Variants in GLIS3 observed in about 807,000 individuals in gnomAD.
GLIS3 encodes GLIS family zinc finger 3.
A neutral mutation model predicts 78.6 loss-of-function variants in GLIS3; 53 were observed. The observed-to-expected ratio is 0.67, with a 90% CI of 0.54 to 0.85. The LOEUF is 0.85. Among genes scored for constraint, GLIS3 ranks in the 40% least tolerant of loss-of-function variants. The pLI, the probability that GLIS3 is intolerant of heterozygous loss-of-function variation, is 0.00. For missense variants in GLIS3, 1,703 were observed against 1,231.1 expected (o/e 1.38, Z -5.74); for synonymous variants, 684 against 509.9 (o/e 1.34, Z -4.60).
rs144986258 is a variant in GLIS3 at position 4,149,722 on chromosome 9, TCTCA to T, written c.389-23785_389-23782del. On this transcript the variant is annotated intron_variant, in intron 2 of 10. Coordinates refer to ENST00000381971, the MANE Select transcript of GLIS3 (RefSeq NM_001042413.2). ...TGCATAACATGAAATTCATTTGTTA[TCTCA>T]CTCATTCAGGAGTTAAAAACTGCAT... Among the ~76,000 whole-genome samples the T allele has an allele frequency of 5.3e-3, 807 of 152,288 alleles. 8 individuals are homozygous for T. The highest frequency in any genetic ancestry group is 0.019 in the African/African-American group (781 of 41,556).
At chr9:4,476,657 C>T in the GLIS3 span, among the ~76,000 whole-genome samples, 13 of 152,164 alleles carry the variant, frequency 8.5e-5, no homozygotes, top group African/African-American at 2.2e-4. Flanking sequence ...CCACCATGCC[C>T]GGCCCAGTGG....
chr9:4,460,634 C>G, the GLIS3 span, among the ~76,000 whole-genome samples: 2 of 137,324 alleles, frequency 1.5e-5, no homozygotes, highest in Non-Finnish European at 3.0e-5. Flanking sequence ...GAAGCAGAAG[C>G]CATCCCAAGA....
intron 4 of GLIS3, among the ~76,000 whole-genome samples, chr9:4,085,597 C>T (rs7020154): frequency 0.39 from 59,717 of 151,494 alleles, 12,132 homozygotes; most frequent in Admixed American, 0.45. Flanking sequence ...TTTGTCCCTG[C>T]CCAAATGTCA....
chr9:4,459,357 C>A, the GLIS3 span, among the ~76,000 whole-genome samples: 1 of 152,180 alleles, frequency 6.6e-6, no homozygotes, highest in Non-Finnish European at 1.5e-5. Flanking sequence ...CTGGGGCTAT[C>A]CAATCTTTAG....
rs750701797 is a variant in GLIS3, at chr9:3,829,397, A to T, written c.2569T>A (p.Phe857Ile). The T allele has an allele frequency of 3.7e-6, 6 of 1,614,050 alleles. No individual in the cohort carries two copies. ...GATGTAGGGACTAGGCAGTCCTCAA[A>T]CGAAGGCACCACACTGCAGGAGCTG... ...PVSSCSVVPSFEDCLVPTSMG... is the reference protein window; with the variant it reads ...PVSSCSVVPSIEDCLVPTSMG... The change falls in exon 10 of 11, where the codon TTT becomes ATT. Residue 857 changes from phenylalanine (F) to isoleucine (I), a missense_variant. Physicochemically the swap from Phe to Ile is conservative, Grantham distance 21 (BLOSUM62 0). Transcript: ENST00000381971.
chr9:3,829,167 A>G (rs1048307946), intron 10 of GLIS3, 143 bp downstream of exon 10: 3 of 705,874 alleles, frequency 4.3e-6, no homozygotes, highest in Non-Finnish European at 7.7e-6. Context: ...GAAGGTGGAG[A>G]TGAGAGCCAT....
chr9:4,482,566 G>A, the GLIS3 span, among the ~76,000 whole-genome samples: 2 of 152,136 alleles, frequency 1.3e-5, no homozygotes, highest in Non-Finnish European at 1.5e-5. Flanking sequence ...CACCGCATGA[G>A]GACAAAGCAA....
chr9:3,926,297 C>A (rs1825246525), intron 6 of GLIS3, among the ~76,000 whole-genome samples: 1 of 142,866 alleles, frequency 7.0e-6, no homozygotes, highest in Non-Finnish European at 1.5e-5. Context: ...GTGGTGCAAT[C>A]TCTGCTCACT....
chr9:4,237,494 A>C (rs10814897), intron 2 of GLIS3, among the ~76,000 whole-genome samples: 2 of 152,158 alleles, frequency 1.3e-5, no homozygotes, highest in East Asian at 3.9e-4. Flanking sequence ...CTTCAGGCTC[A>C]GTCTACTGAG....
At chr9:4,046,873 C>G (rs1825294634) in intron 4 of GLIS3, among the ~76,000 whole-genome samples, 1 of 152,050 alleles carries the variant, frequency 6.6e-6, no homozygotes, top group Non-Finnish European at 1.5e-5. Flanking sequence ...CTAGGTATTG[C>G]CAGAGGACAC....
chr9:4,106,245 G>C (rs546237737), intron 4 of GLIS3, among the ~76,000 whole-genome samples: 63 of 152,146 alleles, frequency 4.1e-4, no homozygotes, highest in Non-Finnish European at 8.1e-4. Context: ...TCAGAGAACA[G>C]GTAGAGTTTT....
chr9:3,965,193 C>CTTTTTTTTTTTT (rs34951383), intron 4 of GLIS3, among the ~76,000 whole-genome samples: 5 of 100,156 alleles, frequency 5.0e-5, no homozygotes, highest in South Asian at 3.3e-4. Flanking sequence ...CTTTTCTTTT[C>CTTTTTTTTTTTT]TTTTTTTTTT....
the GLIS3 span, among the ~76,000 whole-genome samples, chr9:4,416,119 G>A: frequency 4.6e-5 from 7 of 151,648 alleles, no homozygotes; most frequent in Non-Finnish European, 8.8e-5. Context: ...AGGTGCAGTG[G>A]CTCATGCCTA....
intron 4 of GLIS3, among the ~76,000 whole-genome samples, chr9:4,048,169 A>C (rs982162150): frequency 5.3e-5 from 8 of 152,228 alleles, no homozygotes; most frequent in African/African-American, 1.9e-4. Context: ...AGTGAGGGGT[A>C]ATGACCTTTT....
chr9:4,144,448 G>A (rs1363792265), intron 2 of GLIS3, among the ~76,000 whole-genome samples: 1 of 152,164 alleles, frequency 6.6e-6, no homozygotes, highest in Non-Finnish European at 1.5e-5. Context: ...TCTCGTTTCT[G>A]TGTCATTTTT....
the GLIS3 span, among the ~76,000 whole-genome samples, chr9:4,408,112 T>A: frequency 6.6e-6 from 1 of 152,038 alleles, no homozygotes; most frequent in Non-Finnish European, 1.5e-5. Context: ...AGTCAGGCAA[T>A]AACAAATGCT....
chr9:4,339,506 C>T (rs1010375126), intron 2 of GLIS3, among the ~76,000 whole-genome samples: 56 of 151,580 alleles, frequency 3.7e-4, no homozygotes, highest in African/African-American at 1.3e-3. Context: ...GAAGGGCTGG[C>T]GCCGCCTAGA....
intron 2 of GLIS3, among the ~76,000 whole-genome samples, chr9:4,324,377 A>C (rs13297137): frequency 0.14 from 20,962 of 152,098 alleles, 1,538 homozygotes; most frequent in East Asian, 0.25. Context: ...AACTTCTTTC[A>C]ACCTCAGTAT....
At chr9:4,041,219 G>C (rs551878029) in intron 4 of GLIS3, among the ~76,000 whole-genome samples, 1 of 152,304 alleles carries the variant, frequency 6.6e-6, no homozygotes, top group East Asian at 1.9e-4. Context: ...AGCAATGACT[G>C]GAGATATCTT....
Sources: gnomAD v4.1 joint callset for allele counts (sites outside exome capture counted in the v4.1 genomes callset) on GRCh38, gnomAD v4.1.1 for gene constraint, MANE v1.5 for transcripts, NCBI Gene and HGNC (gene_info 2026-07-23, HGNC 2026-07-21) for gene names.